Variants in VGLL4 observed in about 807,000 individuals in gnomAD.
VGLL4 encodes the protein transcription cofactor vestigial-like protein 4.
Under a neutral mutation model 21.0 loss-of-function variants are expected in VGLL4, and 7 were observed. The observed-to-expected ratio is 0.33, with a 90% CI of 0.19 to 0.63. The LOEUF is 0.63. Ranked by LOEUF, VGLL4 falls within the 20% of genes least tolerant of loss-of-function variation. The pLI, the probability that VGLL4 is intolerant of heterozygous loss-of-function variation, is 0.78. For synonymous variants in VGLL4, 222 were observed against 173.2 expected, an observed-to-expected ratio of 1.28 and a Z score of -2.21; for missense variants, 394 against 425.7, an observed-to-expected ratio of 0.93 and a Z score of 0.66.
intron 2 of VGLL4, among the ~76,000 whole-genome samples, chr3:11,656,190 G>T (rs970408299): frequency 1.3e-5 from 2 of 152,160 alleles, no homozygotes; most frequent in Non-Finnish European, 2.9e-5. Flanking sequence ...ATGAGAACAG[G>T]CCTACCAGGG....
chr3:11,658,330 A>G (rs1213414223), intron 2 of VGLL4, among the ~76,000 whole-genome samples: 16 of 152,142 alleles, frequency 1.1e-4, no homozygotes, highest in African/African-American at 3.9e-4. Context: ...TCAAACTACC[A>G]TATTTTATTT....
chr3:11,626,311 T>G, intron 1 of VGLL4: 1 of 454,034 alleles, frequency 2.2e-6, no homozygotes, highest in South Asian at 1.6e-5. Flanking sequence ...AAAAATACAC[T>G]GCAAGCACAC....
At chr3:11,703,309 T>C (rs1575546148) in intron 1 of VGLL4, among the ~76,000 whole-genome samples, 1 of 152,232 alleles carries the variant, frequency 6.6e-6, no homozygotes, top group East Asian at 1.9e-4. Flanking sequence ...ATTGTGAATA[T>C]TCATGCCCAT....
chr3:11,704,397 A>G lies in VGLL4; in HGVS notation c.-13-1350T>C, dbSNP rs867431216. Among the ~76,000 whole-genome samples, 1,328 of 146,440 alleles carry G rather than the reference A, an allele frequency of 9.1e-3. 22 individuals are homozygous for G. The highest frequency in any genetic ancestry group is 0.03 in the African/African-American group (1,162 of 38,844). On this transcript the variant is annotated intron_variant, in intron 1 of 5. Transcript: ENST00000273038. The stretch of plus-strand genomic sequence containing the variant: ...AAACTCCGTCTCAAAAAAAAAAAAA[A>G]AAAAAAAAGAAAAAAAGAAAAGAAA...
At chr3:11,602,097 C>T (rs903508508) in intron 1 of VGLL4, 75 bp from the exon 2 acceptor site, 14 of 1,351,190 alleles carry the variant, frequency 1.0e-5, no homozygotes, top group Non-Finnish European at 1.3e-5. Context: ...TCCCCGCCCG[C>T]CCAGCCAGCC....
chr3:11,677,949 T>C (rs1007795095), intron 2 of VGLL4, among the ~76,000 whole-genome samples: 2 of 151,010 alleles, frequency 1.3e-5, no homozygotes, highest in Admixed American at 6.6e-5. Flanking sequence ...CATCAGTTAA[T>C]GTGTAGCCAT....
chr3:11,716,810 G>A (rs1238342263), intron 1 of VGLL4, among the ~76,000 whole-genome samples: 2 of 151,374 alleles, frequency 1.3e-5, no homozygotes, highest in African/African-American at 4.9e-5. Context: ...TTTTGCGGGG[G>A]GGTGGTTTAT....
chr3:11,704,947 G>A (rs765242267), intron 1 of VGLL4, among the ~76,000 whole-genome samples: 32 of 152,172 alleles, frequency 2.1e-4, no homozygotes, highest in Non-Finnish European at 5.9e-5. Context: ...TTTGAAGAAC[G>A]AATATAAAAG....
intron 1 of VGLL4, among the ~76,000 whole-genome samples, chr3:11,607,689 G>A (rs148005511): frequency 2.2e-3 from 334 of 152,106 alleles, no homozygotes; most frequent in African/African-American, 7.6e-3. Context: ...TTTCTCTCAG[G>A]CTTTTCACAC....
chr3:11,659,350 AGACAGAGTTTT>A (rs1460322434), intron 2 of VGLL4, among the ~76,000 whole-genome samples: 2 of 35,656 alleles, frequency 5.6e-5, no homozygotes, highest in African/African-American at 2.1e-4. Flanking sequence ...TTTTTTTTTG[AGACAGAGTTTT>A]GCTCTTATTG....
intron 1 of VGLL4, among the ~76,000 whole-genome samples, chr3:11,639,414 A>T (rs1220992309): frequency 6.6e-6 from 1 of 152,192 alleles, no homozygotes. Context: ...CCTTTCCCCA[A>T]CATCACAACA....
At chr3:11,716,744 T>C (rs1340784474) in intron 1 of VGLL4, among the ~76,000 whole-genome samples, 1 of 152,170 alleles carries the variant, frequency 6.6e-6, no homozygotes, top group Non-Finnish European at 1.5e-5. Flanking sequence ...GCAGTTTGTA[T>C]CTGCCAAATC....
chr3:11,684,527 T>C (rs2076417977), intron 2 of VGLL4, among the ~76,000 whole-genome samples: 1 of 152,086 alleles, frequency 6.6e-6, no homozygotes, highest in Non-Finnish European at 1.5e-5. Flanking sequence ...ACCACAGGCA[T>C]GCACCACCAT....
intron 1 of VGLL4, among the ~76,000 whole-genome samples, chr3:11,630,478 C>A (rs766615584): frequency 6.6e-6 from 1 of 151,920 alleles, no homozygotes; most frequent in Non-Finnish European, 1.5e-5. Context: ...GACCCTGGCT[C>A]TACTAAACAC....
At chr3:11,576,423 A>G (rs1450272767) in intron 2 of VGLL4, among the ~76,000 whole-genome samples, 2 of 152,236 alleles carry the variant, frequency 1.3e-5, no homozygotes, top group Non-Finnish European at 1.5e-5. Flanking sequence ...TACAACCACT[A>G]TCATATTTTT....
At chr3:11,709,120 A>G (rs947680267) in intron 1 of VGLL4, among the ~76,000 whole-genome samples, 1 of 152,012 alleles carries the variant, frequency 6.6e-6, no homozygotes, top group Non-Finnish European at 1.5e-5. Context: ...ACAACATTTA[A>G]GTGAGTGGAG....
intron 1 of VGLL4, among the ~76,000 whole-genome samples, chr3:11,637,008 C>T (rs746252343): frequency 6.8e-6 from 1 of 147,644 alleles, no homozygotes; most frequent in East Asian, 2.0e-4. Flanking sequence ...TAAAAGATCT[C>T]ACAAAAAAGA....
chr3:11,702,865 C>A (rs573010384), intron 2 of VGLL4: 21 of 1,060,354 alleles, frequency 2.0e-5, no homozygotes, highest in Non-Finnish European at 2.7e-5. Context: ...AAATTAACAG[C>A]AAATAGCCAG....
chr3:11,699,351 G>C (rs576809389), intron 2 of VGLL4, among the ~76,000 whole-genome samples: 39 of 152,172 alleles, frequency 2.6e-4, no homozygotes, highest in Non-Finnish European at 5.4e-4. Flanking sequence ...TAACACAAGA[G>C]TAAGAAAGGT....
Sources: allele counts gnomAD v4.1 joint callset (sites outside exome capture counted in the v4.1 genomes callset), GRCh38; gene constraint gnomAD v4.1.1; transcripts MANE v1.5; gene names NCBI Gene and HGNC (gene_info 2026-07-23, HGNC 2026-07-21).